METTL15: variants seen among roughly 807,000 people sequenced by gnomAD.
METTL15 encodes the protein 12S rRNA N(4)-cytidine methyltransferase METTL15.
In METTL15, 34 loss-of-function variants were observed where a neutral mutation model predicts 38.3. The observed-to-expected ratio is 0.89, with a 90% CI of 0.68 to 1.18. The LOEUF (loss-of-function observed/expected upper bound fraction) is 1.18, where lower values mean the gene tolerates loss of function less well. Ranked by LOEUF, METTL15 falls within the 50% of genes most tolerant of loss-of-function variation. The pLI is 0.00. For synonymous variants in METTL15, 162 were observed against 170.9 expected (o/e 0.95, Z 0.41); for missense variants, 438 against 498.4 (o/e 0.88, Z 1.15).
chr11:28,293,607 CT>C (rs1420645188), intron 5 of METTL15, among the ~76,000 whole-genome samples: 10 of 151,816 alleles, frequency 6.6e-5, no homozygotes, highest in African/African-American at 2.4e-4. Flanking sequence ...TCATTGGTAG[CT>C]TGATGGGGAT....
chr11:28,207,540 G>GAT, intron 3 of METTL15, among the ~76,000 whole-genome samples: 1 of 151,872 alleles, frequency 6.6e-6, no homozygotes, highest in Middle Eastern at 3.4e-3. Context: ...TTTGCATCAG[G>GAT]GTTCATCAAG....
rs1318635876 is a variant in METTL15, at chr11:28,187,134, A to T, written c.271-23928A>T. Among the ~76,000 whole-genome samples, 5 of 151,260 alleles carry T rather than the reference A, an allele frequency of 3.3e-5. No homozygotes were observed. The East Asian group carries it at 9.7e-4, about 29-fold the overall frequency. On this transcript the variant is annotated intron_variant, in intron 3 of 6. Transcript: ENST00000407364. ...TTTCTGTGAGATATGATAGCTATTT[A>T]AAATTAAAAATTAGTAAATATAAAA...
chr11:28,354,473 T>A (rs1040778188), intron 4 of METTL15, among the ~76,000 whole-genome samples: 2 of 152,190 alleles, frequency 1.3e-5, no homozygotes, highest in Non-Finnish European at 2.9e-5. Flanking sequence ...AGATTGGATG[T>A]CGTTTTAGAT....
chr11:28,333,089 T>C lies in METTL15; in HGVS notation c.*2248T>C, dbSNP rs1849861209. The stretch of plus-strand genomic sequence containing the variant: ...AGATTCTCCCTCAGAGTTCCAGTAG[T>C]TGCCAACCCTGCTAACATGGTTTTG... On this transcript the variant is annotated 3_prime_UTR_variant, in exon 7 of 7. Transcript: ENST00000407364. 1 of 151,518 alleles carries C rather than the reference T, an allele frequency of 6.6e-6. No homozygotes were observed. Among genetic ancestry groups the C allele is most frequent in the South Asian group, 2.1e-4 (1 of 4,790 alleles). The allele number at this position is 151,518 out of a possible 1,614,324, so 9.4% of individuals were successfully genotyped here. A position where few individuals can be genotyped will look rare whatever the true frequency, so the allele number is the denominator to read the frequency against.
At chr11:28,346,255 A>G (rs1849994679) in intron 3 of METTL15, among the ~76,000 whole-genome samples, 1 of 151,988 alleles carries the variant, frequency 6.6e-6, no homozygotes, top group Admixed American at 6.6e-5. Context: ...AGGAAAGGGC[A>G]CATTGTTATG....
In METTL15 at chr11:28,338,939, G is replaced by A. The variant is rs185511159; in HGVS notation, c.*190-13151G>A. 7.4e-3 allele frequency among the ~76,000 whole-genome samples: 1,126 copies of A among 152,194 alleles called. 13 individuals are homozygous for A. Among genetic ancestry groups the A allele is most frequent in the Middle Eastern group, 0.01 (3 of 294 alleles). ...AAAAGATCTTGGAGGAGGAAAAAAC[G>A]TAGAGGTTAGATCAGCATTTGTAGC... On this transcript the variant is annotated intron_variant and NMD_transcript_variant, in intron 3 of 7. Transcript: ENST00000532947.
At chr11:28,272,808 T>C (rs1239355741) in intron 4 of METTL15, among the ~76,000 whole-genome samples, 1 of 152,208 alleles carries the variant, frequency 6.6e-6, no homozygotes, top group African/African-American at 2.4e-5. Context: ...AATCAACCTC[T>C]TAAAGCTATC....
chr11:28,139,103 G>A (rs1194080427), intron 3 of METTL15, among the ~76,000 whole-genome samples: 1 of 152,128 alleles, frequency 6.6e-6, no homozygotes. Context: ...CAGACTTCTG[G>A]GTTTCCTTCC....
At chr11:28,343,901 A>G (rs1849976234) in intron 3 of METTL15, among the ~76,000 whole-genome samples, 1 of 152,220 alleles carries the variant, frequency 6.6e-6, no homozygotes, top group African/African-American at 2.4e-5. Context: ...TAAACAGGGA[A>G]AATTCTGTAA....
intron 5 of METTL15, among the ~76,000 whole-genome samples, chr11:28,416,017 A>C (rs1260095381): frequency 2.0e-5 from 3 of 152,210 alleles, no homozygotes; most frequent in Non-Finnish European, 2.9e-5. Context: ...TCAAATCGTT[A>C]AATAAAATAT....
intron 6 of METTL15, among the ~76,000 whole-genome samples, chr11:28,513,060 T>C (rs1851689435): frequency 6.7e-6 from 1 of 149,770 alleles, no homozygotes; most frequent in Middle Eastern, 3.4e-3. Flanking sequence ...TTCAAACTCA[T>C]GTTTTTCAAG....
At chr11:28,408,788 A>G (rs1590364544) in intron 5 of METTL15, among the ~76,000 whole-genome samples, 1 of 152,224 alleles carries the variant, frequency 6.6e-6, no homozygotes, top group South Asian at 2.1e-4. Flanking sequence ...ACATGTACAT[A>G]TATATCAAAT....
At chr11:28,512,027 G>T (rs570004172) in intron 6 of METTL15, among the ~76,000 whole-genome samples, 1 of 151,522 alleles carries the variant, frequency 6.6e-6, no homozygotes, top group African/African-American at 2.4e-5. Flanking sequence ...GTGTCGATTG[G>T]TGCATTCACA....
chr11:28,196,397 A>G (rs1851910308), intron 3 of METTL15, among the ~76,000 whole-genome samples: 1 of 151,750 alleles, frequency 6.6e-6, no homozygotes, highest in Non-Finnish European at 1.5e-5. Context: ...TTTGTAGCTC[A>G]CCTTGTAGAG....
At chr11:28,243,617 C>G (rs1248392926) in intron 4 of METTL15, among the ~76,000 whole-genome samples, 1 of 152,030 alleles carries the variant, frequency 6.6e-6, no homozygotes, top group Non-Finnish European at 1.5e-5. Context: ...AAGTTTATTT[C>G]AAATTAAGAG....
chr11:28,499,532 A>G (rs1461628014), intron 6 of METTL15, among the ~76,000 whole-genome samples: 1 of 152,230 alleles, frequency 6.6e-6, no homozygotes, highest in Non-Finnish European at 1.5e-5. Flanking sequence ...CCAAGATCTA[A>G]TATCAATCAA....
intron 3 of METTL15, among the ~76,000 whole-genome samples, chr11:28,344,166 T>A (rs1590340026): frequency 6.6e-6 from 1 of 152,314 alleles, no homozygotes; most frequent in East Asian, 1.9e-4. Flanking sequence ...ACTTCCATGA[T>A]ATAGTTTTCT....
intron 4 of METTL15, among the ~76,000 whole-genome samples, chr11:28,356,732 T>G (rs1850093158): frequency 6.6e-6 from 1 of 152,194 alleles, no homozygotes; most frequent in Non-Finnish European, 1.5e-5. Flanking sequence ...AAACACCATT[T>G]GAATTATGTC....
At chr11:28,336,013 C>T (rs1043125312), downstream of METTL15, among the ~76,000 whole-genome samples, 7 of 148,894 alleles carry the variant, frequency 4.7e-5, no homozygotes, top group Non-Finnish European at 9.0e-5. Context: ...AAAAGATTTA[C>T]CAAAATCTAA....
Sources: allele counts gnomAD v4.1 joint callset (sites outside exome capture counted in the v4.1 genomes callset), GRCh38; gene constraint gnomAD v4.1.1; transcripts MANE v1.5; gene names NCBI Gene and HGNC (gene_info 2026-07-23, HGNC 2026-07-21).